Variants in IL17B observed in about 807,000 individuals in gnomAD.
The protein encoded by IL17B is interleukin-17B.
In IL17B, 14 loss-of-function variants were observed where a neutral mutation model predicts 14.7. The observed-to-expected ratio is 0.95, with a 90% confidence interval of 0.63 to 1.49. The LOEUF is 1.49. Among genes scored for constraint, IL17B ranks in the 40% most tolerant of loss-of-function variants. The pLI, the probability that IL17B is intolerant of heterozygous loss-of-function variation, is 0.00. For synonymous variants in IL17B, 105 were observed against 94.8 expected (o/e 1.11, Z -0.62); for missense variants, 233 against 252.8 (o/e 0.92, Z 0.53).
At chr5:149,397,482 T>C (rs1759114985) in intron 1 of IL17B, among the ~76,000 whole-genome samples, 1 of 152,238 alleles carries the variant, frequency 6.6e-6, no homozygotes, top group South Asian at 2.1e-4. Context: ...TTTTAAACTT[T>C]TATCTTTTAC....
At chr5:149,387,447 G>T (rs1173367694) in intron 1 of IL17B, among the ~76,000 whole-genome samples, 1 of 152,128 alleles carries the variant, frequency 6.6e-6, no homozygotes, top group East Asian at 1.9e-4. Context: ...TGGTAAAAGG[G>T]TTACCCCTGA....
intron 1 of IL17B, among the ~76,000 whole-genome samples, chr5:149,378,541 C>T (rs1299180419): frequency 6.6e-6 from 1 of 152,226 alleles, no homozygotes; most frequent in African/African-American, 2.4e-5. Context: ...CATATGTTCC[C>T]TGTATGCCTC....
At chr5:149,392,946 G>A (rs1581394384) in intron 1 of IL17B, among the ~76,000 whole-genome samples, 1 of 150,960 alleles carries the variant, frequency 6.6e-6, no homozygotes, top group Non-Finnish European at 1.5e-5. Flanking sequence ...GTGCGTGTGT[G>A]CGTGCGTGTG....
At chr5:149,387,095 G>A (rs1561714885) in intron 1 of IL17B, among the ~76,000 whole-genome samples, 1 of 150,606 alleles carries the variant, frequency 6.6e-6, no homozygotes, top group Non-Finnish European at 1.5e-5. Context: ...CTCTTGCTGG[G>A]CCCCTCTCCT....
chr5:149,396,486 T>A (rs559486253), intron 1 of IL17B, among the ~76,000 whole-genome samples: 1 of 152,348 alleles, frequency 6.6e-6, no homozygotes, highest in South Asian at 2.1e-4. Flanking sequence ...CTCGGCTGGG[T>A]GCAGTGGCTC....
intron 1 of IL17B, among the ~76,000 whole-genome samples, chr5:149,400,785 G>A (rs1401310167): frequency 6.6e-6 from 1 of 152,244 alleles, no homozygotes; most frequent in Non-Finnish European, 1.5e-5. Context: ...CAGGTTCAAA[G>A]GGCTGGAGCC....
chr5:149,388,723 A>G (rs769448555), intron 1 of IL17B, among the ~76,000 whole-genome samples: 3 of 152,218 alleles, frequency 2.0e-5, no homozygotes, highest in Admixed American at 6.5e-5. Context: ...GCAGGCTAGC[A>G]GGGCATGCTG....
At chr5:149,397,368 C>T (rs903625194) in intron 1 of IL17B, among the ~76,000 whole-genome samples, 2 of 152,164 alleles carry the variant, frequency 1.3e-5, no homozygotes, top group African/African-American at 4.8e-5. Context: ...AGCGTTTTGC[C>T]ATGTTGGCCA....
In IL17B at chr5:149,374,997, C is replaced by T; in HGVS notation, c.312-397G>A. 5.9e-6 allele frequency: 1 copy of T among 168,938 alleles called. No homozygotes were observed. The highest frequency in any genetic ancestry group is 1.3e-5 in the Non-Finnish European group (1 of 79,302). 10.5% of individuals were successfully genotyped at this position (168,938 alleles called of 1,614,324 possible). Reference sequence around the variant, plus strand: ...GAAGTGGCCCAGTCACAGCTTACTGCAGCATCAGCCTCCCCAGGCTCAAGT... The same window carrying T: ...GAAGTGGCCCAGTCACAGCTTACTGTAGCATCAGCCTCCCCAGGCTCAAGT... On this transcript the variant is annotated intron_variant, in intron 2 of 2. Coordinates refer to ENST00000261796, the MANE Select transcript of IL17B (RefSeq NM_014443.3). The surrounding 1 kb of genome is among the most constrained non-coding windows in gnomAD (Gnocchi z 5.0).
Position 149,397,460 on chromosome 5 carries a change from T to C in IL17B, n.95+6648A>G, listed in dbSNP as rs77306253. On this transcript the variant is annotated intron_variant and non_coding_transcript_variant, in intron 1 of 2. Transcript: ENST00000505432. ...GTAGGATTATAGGCGTGAACCACCG[T>C]GGCTGGCCCATTTTTAAACTTTTAT... Among the ~76,000 whole-genome samples, 1,204 of 152,340 alleles carry C rather than the reference T, an allele frequency of 7.9e-3. 34 individuals carry two copies. In the East Asian group the frequency reaches 0.094, roughly 12 times the overall value.
chr5:149,376,373 G>A (rs914700982), intron 2 of IL17B, among the ~76,000 whole-genome samples: 3 of 152,230 alleles, frequency 2.0e-5, no homozygotes, highest in Non-Finnish European at 2.9e-5. Flanking sequence ...CTGGAACACC[G>A]CATGGAAGCG....
chr5:149,397,103 G>A (rs1241147831), intron 1 of IL17B, among the ~76,000 whole-genome samples: 1 of 152,180 alleles, frequency 6.6e-6, no homozygotes, highest in African/African-American at 2.4e-5. Flanking sequence ...ACATTTGAGT[G>A]GTTATTACTC....
chr5:149,401,643 G>A (rs1199338317), intron 1 of IL17B, among the ~76,000 whole-genome samples: 1 of 152,150 alleles, frequency 6.6e-6, no homozygotes, highest in African/African-American at 2.4e-5. Flanking sequence ...TACTTAGGGG[G>A]CTGAGGGAGG....
At chr5:149,395,748 C>T (rs532293016) in intron 1 of IL17B, among the ~76,000 whole-genome samples, 23 of 152,342 alleles carry the variant, frequency 1.5e-4, no homozygotes, top group Middle Eastern at 3.4e-3. Flanking sequence ...TCTCGGCTCA[C>T]TGCAACCTCT....
At position 149,374,413 on chromosome 5, in the gene IL17B, C is replaced by A; in HGVS notation, c.499G>T (p.Ala167Ser). Residue 167 changes from alanine to serine, a missense_variant, in exon 3 of 3, where the codon GCA (alanine) becomes TCA (serine). Coordinates refer to ENST00000261796, the MANE Select transcript of IL17B (RefSeq NM_014443.3). This position sits in a 1 kb window ranked among gnomAD's most constrained non-coding sequence, Gnocchi z 5.0. Reference protein sequence around the residue: ...PPRTGPCRQRAVMETIAVGCT... With the variant: ...PPRTGPCRQRSVMETIAVGCT... ...CCCACAGCGATGGTCTCCATGACTG[C>A]GCGCTGGCGGCAAGGCCCTGTGCGG... The A allele has an allele frequency of 6.2e-7, 1 of 1,603,062 alleles. No individual in the cohort carries two copies. The highest frequency in any genetic ancestry group is 8.5e-7 in the Non-Finnish European group (1 of 1,177,366).
intron 1 of IL17B, 111 bp downstream of exon 1, chr5:149,379,094 C>T (rs986440289): frequency 1.5e-6 from 2 of 1,329,040 alleles, no homozygotes; most frequent in Admixed American, 1.7e-5. Flanking sequence ...GAGAAGTTGC[C>T]TCTGCAGATT....
intron 1 of IL17B, among the ~76,000 whole-genome samples, chr5:149,396,719 C>G (rs2127622430): frequency 6.6e-6 from 1 of 152,214 alleles, no homozygotes; most frequent in South Asian, 2.1e-4. Context: ...GCCATGATCG[C>G]ACCATTGCAC....
intron 1 of IL17B, among the ~76,000 whole-genome samples, chr5:149,398,603 T>C (rs1005309793): frequency 1.3e-5 from 2 of 152,166 alleles, no homozygotes; most frequent in African/African-American, 4.8e-5. Context: ...CTGGGCAGTT[T>C]ACAAAACAAA....
intron 1 of IL17B, among the ~76,000 whole-genome samples, chr5:149,384,415 G>A (rs1400837865): frequency 1.3e-5 from 2 of 152,138 alleles, no homozygotes; most frequent in East Asian, 3.8e-4. Context: ...ATTTGGTTTG[G>A]TTTTATATGT....
Sources: allele counts gnomAD v4.1 joint callset (sites outside exome capture counted in the v4.1 genomes callset), GRCh38; gene constraint gnomAD v4.1.1; non-coding constraint Gnocchi (gnomAD v3.1); transcripts MANE v1.5; gene names NCBI Gene and HGNC (gene_info 2026-07-23, HGNC 2026-07-21).